Variants in GNAI1 observed in about 807,000 individuals in gnomAD.
GNAI1 encodes G protein subunit alpha i1.
A neutral mutation model predicts 38.9 loss-of-function variants in GNAI1; 11 were observed. That is an observed-to-expected ratio of 0.28 (90% CI 0.18 to 0.47). The LOEUF (loss-of-function observed/expected upper bound fraction) is 0.47. GNAI1 is among the 20% of genes least tolerant of loss of function. The probability of loss-of-function intolerance (pLI) is 0.99; values close to 1 mark genes in which losing one functional copy is unlikely to be tolerated. For synonymous variants in GNAI1, 166 were observed against 145.1 expected (o/e 1.14, Z -1.04); for missense variants, 317 against 436.9 (o/e 0.73, Z 2.45).
chr7:80,155,442 TAG>T (rs1787802172), intron 1 of GNAI1, among the ~76,000 whole-genome samples: 1 of 152,190 alleles, frequency 6.6e-6, no homozygotes, highest in South Asian at 2.1e-4. Context: ...TAATATTAAA[TAG>T]AGTTTTCAGT....
At chr7:80,214,640 C>A (rs930850153) in intron 7 of GNAI1, among the ~76,000 whole-genome samples, 4 of 152,176 alleles carry the variant, frequency 2.6e-5, no homozygotes, top group Admixed American at 2.6e-4. Context: ...ATCTCCATGG[C>A]ATGCCCAAAG....
intron 3 of GNAI1, among the ~76,000 whole-genome samples, chr7:80,195,994 T>C (rs1411907605): frequency 1.3e-5 from 2 of 151,920 alleles, no homozygotes; most frequent in African/African-American, 2.4e-5. Context: ...TAAAGTCTTC[T>C]CCTCCCATCC....
At chr7:80,200,565 G>C (rs926345622) in intron 4 of GNAI1, among the ~76,000 whole-genome samples, 1 of 152,042 alleles carries the variant, frequency 6.6e-6, no homozygotes, top group Non-Finnish European at 1.5e-5. Context: ...GACAAATTTT[G>C]AAAGGTCTAG....
At chr7:80,212,043 G>A (rs1374067243) in intron 6 of GNAI1, among the ~76,000 whole-genome samples, 1 of 152,104 alleles carries the variant, frequency 6.6e-6, no homozygotes, top group Non-Finnish European at 1.5e-5. Context: ...GGACTTGAGT[G>A]TATGCACATT....
At chr7:80,187,569 G>T (rs1788410331) in intron 1 of GNAI1, 1 of 152,256 alleles carries the variant, frequency 6.6e-6, no homozygotes. Flanking sequence ...ATGAGCAGCA[G>T]TGGGTGTTCC....
At chr7:80,174,721 T>G (rs1788152868) in intron 1 of GNAI1, among the ~76,000 whole-genome samples, 1 of 152,158 alleles carries the variant, frequency 6.6e-6, no homozygotes, top group Admixed American at 6.5e-5. Flanking sequence ...AAAGCCAGGC[T>G]CTTGGATCGC....
At chr7:80,144,211 G>T (rs984438582) in intron 1 of GNAI1, among the ~76,000 whole-genome samples, 1 of 151,184 alleles carries the variant, frequency 6.6e-6, no homozygotes, top group Non-Finnish European at 1.5e-5. Context: ...TAGAATTAGT[G>T]CAGTGGCTTT....
intron 5 of GNAI1, among the ~76,000 whole-genome samples, chr7:80,204,331 C>T (rs1220802654): frequency 6.6e-6 from 1 of 151,944 alleles, no homozygotes; most frequent in Non-Finnish European, 1.5e-5. Flanking sequence ...AAGAAGTATT[C>T]ATTTAAAGTG....
intron 7 of GNAI1, among the ~76,000 whole-genome samples, chr7:80,216,593 C>T (rs1467576781): frequency 6.6e-6 from 1 of 152,166 alleles, no homozygotes; most frequent in African/African-American, 2.4e-5. Flanking sequence ...TGAGTACTTT[C>T]ATTCTCACTT....
At chr7:80,206,398 T>TA (rs1209296281) in intron 5 of GNAI1, among the ~76,000 whole-genome samples, 2 of 152,084 alleles carry the variant, frequency 1.3e-5, no homozygotes, top group Non-Finnish European at 2.9e-5. Context: ...CATTATCTGT[T>TA]ACTGAAATCG....
At chr7:80,206,693 A>G (rs1423969960) in intron 5 of GNAI1, among the ~76,000 whole-genome samples, 2 of 152,106 alleles carry the variant, frequency 1.3e-5, no homozygotes, top group East Asian at 1.9e-4. Context: ...GGCTTACGGT[A>G]GTCTCCCCTT....
chr7:80,183,995 C>A (rs1007114088), intron 1 of GNAI1, among the ~76,000 whole-genome samples: 1 of 152,088 alleles, frequency 6.6e-6, no homozygotes, highest in Non-Finnish European at 1.5e-5. Context: ...TTGTCCTCAG[C>A]ACAGTCTTAT....
intron 1 of GNAI1, chr7:80,135,544 C>G: frequency 2.7e-6 from 1 of 369,942 alleles, no homozygotes; most frequent in Non-Finnish European, 4.8e-6. Flanking sequence ...AGCAAAGAGC[C>G]CAGGCGCGAG....
chr7:80,177,070 G>A (rs1448978532), intron 1 of GNAI1, among the ~76,000 whole-genome samples: 2 of 106,924 alleles, frequency 1.9e-5, no homozygotes, highest in Admixed American at 1.5e-4. Context: ...TTGCTCTGTC[G>A]CCCAGGCTGG....
intron 1 of GNAI1, among the ~76,000 whole-genome samples, chr7:80,188,011 A>G (rs963268682): frequency 2.0e-5 from 3 of 152,196 alleles, no homozygotes; most frequent in Non-Finnish European, 4.4e-5. Flanking sequence ...ATGTATACAG[A>G]GTGAAGGAGA....
At chr7:80,159,194 T>G (rs990005717) in intron 1 of GNAI1, among the ~76,000 whole-genome samples, 1 of 152,186 alleles carries the variant, frequency 6.6e-6, no homozygotes, top group African/African-American at 2.4e-5. Context: ...GAGACTTTTG[T>G]GAAACAATTT....
At chr7:80,193,316 A>G (rs1008876393) in intron 3 of GNAI1, among the ~76,000 whole-genome samples, 3 of 152,176 alleles carry the variant, frequency 2.0e-5, no homozygotes, top group Admixed American at 6.5e-5. Flanking sequence ...GAGTAAGAAG[A>G]TGTAAAATCT....
intron 1 of GNAI1, among the ~76,000 whole-genome samples, chr7:80,162,882 T>C (rs1175548034): frequency 6.6e-6 from 1 of 152,130 alleles, no homozygotes; most frequent in Non-Finnish European, 1.5e-5. Flanking sequence ...AGAATGGAAG[T>C]GTGTGGGTAA....
intron 1 of GNAI1, among the ~76,000 whole-genome samples, chr7:80,164,011 C>T (rs183697244): frequency 1.8e-3 from 262 of 145,468 alleles, no homozygotes; most frequent in Non-Finnish European, 2.8e-3. Flanking sequence ...CTCTCTGTCA[C>T]CAGGCTTCTT....
Sources: allele counts gnomAD v4.1 joint callset (sites outside exome capture counted in the v4.1 genomes callset), GRCh38; gene constraint gnomAD v4.1.1; transcripts MANE v1.5; gene names NCBI Gene and HGNC (gene_info 2026-07-23, HGNC 2026-07-21).